SGCZ: variants seen among roughly 807,000 people sequenced by gnomAD.
The protein encoded by SGCZ is sarcoglycan zeta, also known as zeta-sarcoglycan.
A neutral mutation model predicts 41.3 loss-of-function variants in SGCZ; 40 were observed. The ratio of observed to expected loss-of-function variants is 0.97; its 90% confidence interval spans 0.75 to 1.26. SGCZ has a LOEUF of 1.26. Among genes scored for constraint, SGCZ ranks in the 50% most tolerant of loss-of-function variants. The probability of loss-of-function intolerance (pLI) is 0.00; values close to 1 mark genes in which losing one functional copy is unlikely to be tolerated. For missense variants in SGCZ, 552 were observed against 369.8 expected (o/e 1.49, Z -4.04); for synonymous variants, 206 against 137.5 (o/e 1.50, Z -3.49).
At chr8:14,810,524 C>T (rs146790986) in intron 1 of SGCZ, among the ~76,000 whole-genome samples, 1 of 151,658 alleles carries the variant, frequency 6.6e-6, no homozygotes, top group Non-Finnish European at 1.5e-5. Flanking sequence ...ACCACAGGCA[C>T]AAAAAATAAA....
At chr8:14,570,398 T>C (rs1375865966) in intron 1 of SGCZ, among the ~76,000 whole-genome samples, 1 of 152,214 alleles carries the variant, frequency 6.6e-6, no homozygotes, top group Non-Finnish European at 1.5e-5. Context: ...ATTTCAATAC[T>C]CTTCTTGCTA....
intron 1 of SGCZ, among the ~76,000 whole-genome samples, chr8:14,976,125 C>T (rs1469862904): frequency 6.6e-6 from 1 of 151,386 alleles, no homozygotes; most frequent in South Asian, 2.1e-4. Context: ...TGGTTTCAAG[C>T]GATTCTCTCG....
At chr8:14,494,365 A>T (rs191724223) in intron 2 of SGCZ, among the ~76,000 whole-genome samples, 254 of 152,308 alleles carry the variant, frequency 1.7e-3, no homozygotes, top group African/African-American at 6.0e-3. Flanking sequence ...CATGAATTCA[A>T]CTTTTCCAAG....
intron 1 of SGCZ, among the ~76,000 whole-genome samples, chr8:14,777,815 A>G (rs1800458378): frequency 6.6e-6 from 1 of 152,108 alleles, no homozygotes; most frequent in South Asian, 2.1e-4. Flanking sequence ...CAGTGTGGCA[A>G]AATGTTAATT....
chr8:14,793,559 C>T lies in SGCZ; in HGVS notation c.40-238633G>A, dbSNP rs1488527879. Among the ~76,000 whole-genome samples, 10 of 152,260 alleles carry T rather than the reference C, an allele frequency of 6.6e-5. No individual in the cohort carries two copies. In the East Asian group the frequency reaches 1.4e-3, roughly 21 times the overall value. ...ATAGAATGCTTGACAAAGCTGCTTCCTTAACTGGCAGTAGGGAAAGCTGAG... is the reference window on the plus strand; with the variant it reads ...ATAGAATGCTTGACAAAGCTGCTTCTTTAACTGGCAGTAGGGAAAGCTGAG... On this transcript the variant is annotated intron_variant, in intron 1 of 7. Transcript: ENST00000382080.
chr8:14,429,298 G>T (rs1431505277), intron 2 of SGCZ, among the ~76,000 whole-genome samples: 2 of 152,186 alleles, frequency 1.3e-5, no homozygotes, highest in African/African-American at 4.8e-5. Flanking sequence ...GGGTTGTCAG[G>T]GTAGAAGGTG....
rs371618338 is a variant in SGCZ, at chr8:15,123,472, A to C, written c.39+114113T>G. Reference sequence around the variant, plus strand: ...TCATAGACTAGAATCCTAGACTATTAGACCAGAGGAGATATAGAATTTACA... The same window carrying C: ...TCATAGACTAGAATCCTAGACTATTCGACCAGAGGAGATATAGAATTTACA... On this transcript the variant is annotated intron_variant, in intron 1 of 7. Transcript: ENST00000382080. Among the ~76,000 whole-genome samples the C allele has an allele frequency of 2.0e-4, 30 of 152,338 alleles. No individual in the cohort carries two copies. The East Asian group carries it at 5.8e-3, about 29-fold the overall frequency.
At chr8:14,923,612 G>A (rs1032598687) in intron 1 of SGCZ, among the ~76,000 whole-genome samples, 1 of 152,110 alleles carries the variant, frequency 6.6e-6, no homozygotes, top group African/African-American at 2.4e-5. Flanking sequence ...ACTGCATAAG[G>A]TAAGGGAATT....
intron 1 of SGCZ, among the ~76,000 whole-genome samples, chr8:14,581,906 C>A (rs1049771165): frequency 1.5e-4 from 23 of 152,114 alleles, no homozygotes; most frequent in African/African-American, 5.3e-4. Flanking sequence ...CACTTATAAG[C>A]AGACTTTTTC....
intron 1 of SGCZ, among the ~76,000 whole-genome samples, chr8:15,136,204 C>T (rs1808100037): frequency 6.6e-6 from 1 of 152,066 alleles, no homozygotes; most frequent in Non-Finnish European, 1.5e-5. Flanking sequence ...TGCCTCCTAC[C>T]TCAGTACCCT....
intron 4 of SGCZ, among the ~76,000 whole-genome samples, chr8:14,215,925 C>G (rs901423347): frequency 6.6e-6 from 1 of 152,224 alleles, no homozygotes; most frequent in Non-Finnish European, 1.5e-5. Flanking sequence ...TGCACTCAGA[C>G]ACAGGTACCC....
intron 1 of SGCZ, among the ~76,000 whole-genome samples, chr8:14,681,067 A>T (rs774198108): frequency 1.3e-5 from 2 of 151,956 alleles, no homozygotes; most frequent in Admixed American, 1.3e-4. Context: ...CCTAGTTCAG[A>T]GTAATGAGCT....
chr8:14,326,144 C>T (rs1212665966), intron 2 of SGCZ, among the ~76,000 whole-genome samples: 2 of 54,982 alleles, frequency 3.6e-5, no homozygotes, highest in Non-Finnish European at 8.5e-5. Context: ...GAGGACGTGT[C>T]AAGAAATACT....
chr8:14,485,480 C>A (rs1050982158), intron 2 of SGCZ, among the ~76,000 whole-genome samples: 1 of 152,104 alleles, frequency 6.6e-6, no homozygotes, highest in African/African-American at 2.4e-5. Context: ...TCGTCATCTG[C>A]CCACGTCAGA....
At chr8:14,237,552 C>A (rs751533780) in intron 4 of SGCZ, 40 bp downstream of exon 4, 296 of 1,553,104 alleles carry the variant, frequency 1.9e-4, no homozygotes, top group Non-Finnish European at 2.3e-4. Context: ...ACAAAAAAAA[C>A]CAAGCACAGT....
At chr8:15,012,831 T>C (rs1157393613) in intron 1 of SGCZ, among the ~76,000 whole-genome samples, 1 of 151,034 alleles carries the variant, frequency 6.6e-6, no homozygotes, top group Non-Finnish European at 1.5e-5. Context: ...GAATCACTGC[T>C]CAACATTTCT....
chr8:15,028,456 A>G (rs1237874252), intron 1 of SGCZ, among the ~76,000 whole-genome samples: 1 of 151,646 alleles, frequency 6.6e-6, no homozygotes, highest in Non-Finnish European at 1.5e-5. Context: ...AGTCAGTTTC[A>G]TAAGGAACAC....
chr8:14,194,230 G>A, intron 4 of SGCZ, among the ~76,000 whole-genome samples: 1 of 151,860 alleles, frequency 6.6e-6, no homozygotes, highest in East Asian at 1.9e-4. Flanking sequence ...ATAGTGGTAA[G>A]CAAGAAAATG....
chr8:14,744,066 G>A (rs1008165545), intron 1 of SGCZ, among the ~76,000 whole-genome samples: 1 of 152,110 alleles, frequency 6.6e-6, no homozygotes, highest in South Asian at 2.1e-4. Flanking sequence ...AATAGCCACA[G>A]GGTTAGATGT....
Sources: allele counts gnomAD v4.1 joint callset (sites outside exome capture counted in the v4.1 genomes callset), GRCh38; gene constraint gnomAD v4.1.1; transcripts MANE v1.5; gene names NCBI Gene and HGNC (gene_info 2026-07-23, HGNC 2026-07-21).